The following TUSC3 variants were observed in gnomAD, a reference collection of about 807,000 sequenced individuals.
The protein encoded by TUSC3 is tumor suppressor candidate 3, also known as dolichyl-diphosphooligosaccharide--protein glycosyltransferase subunit TUSC3.
Under a neutral mutation model 44.8 loss-of-function variants are expected in TUSC3, and 45 were observed. That is an observed-to-expected ratio of 1.00 (90% CI 0.79 to 1.29). The LOEUF is 1.29. Ranked by LOEUF, TUSC3 falls within the 50% of genes most tolerant of loss-of-function variation. TUSC3 has a pLI of 0.00. For missense variants in TUSC3, 519 were observed against 437.9 expected, an observed-to-expected ratio of 1.19 and a Z score of -1.65; for synonymous variants, 212 against 152.9, an observed-to-expected ratio of 1.39 and a Z score of -2.85.
chr8:15,743,766 G>T (rs1010947668), intron 8 of TUSC3, among the ~76,000 whole-genome samples, 154 bp downstream of exon 8: 56 of 152,148 alleles, frequency 3.7e-4, no homozygotes, highest in African/African-American at 1.3e-3. Context: ...GCTGGGATGT[G>T]TTCATATACT....
At chr8:15,806,495 T>G in the TUSC3 span, 2 of 1,048,602 alleles carry the variant, frequency 1.9e-6, no homozygotes, top group African/African-American at 3.1e-5. Context: ...TATTTCATTG[T>G]AAACTTTCTC....
the TUSC3 span, among the ~76,000 whole-genome samples, chr8:15,778,263 T>C: frequency 2.4e-4 from 37 of 152,286 alleles, no homozygotes; most frequent in African/African-American, 8.7e-4. Flanking sequence ...CAATTCATAC[T>C]AACGTAATCT....
chr8:15,489,035 C>G lies in TUSC3; in HGVS notation n.189+5552C>G, dbSNP rs565317845. The stretch of plus-strand genomic sequence containing the variant: ...AGAAACTGTAAAATATTTATAGAGA[C>G]TTACTCTGAGTCAAATATGAGTGAC... On this transcript the variant is annotated intron_variant and non_coding_transcript_variant, in intron 2 of 5. Coordinates refer to the TUSC3 transcript ENST00000503191. 2.7e-3 allele frequency among the ~76,000 whole-genome samples: 408 copies of G among 152,244 alleles called. 3 individuals are homozygous for G. The highest frequency in any genetic ancestry group is 0.011 in the South Asian group (55 of 4,822).
the TUSC3 span, among the ~76,000 whole-genome samples, chr8:15,794,003 G>C: frequency 6.7e-6 from 1 of 149,926 alleles, no homozygotes; most frequent in African/African-American, 2.5e-5. Flanking sequence ...AAAGAAGAAA[G>C]AGTCAGATGA....
chr8:15,642,044 C>T (rs1438584608), intron 2 of TUSC3, among the ~76,000 whole-genome samples: 3 of 152,140 alleles, frequency 2.0e-5, no homozygotes, highest in African/African-American at 4.8e-5. Flanking sequence ...AGTTATACCT[C>T]ATTGAAGCTG....
intron 2 of TUSC3, among the ~76,000 whole-genome samples, chr8:15,524,855 C>A (rs991836762): frequency 1.3e-5 from 2 of 152,084 alleles, no homozygotes; most frequent in Admixed American, 1.3e-4. Flanking sequence ...TTTTATTAAG[C>A]CAGACATTGG....
At chr8:15,526,215 A>C (rs1379595743) in intron 2 of TUSC3, among the ~76,000 whole-genome samples, 1 of 152,084 alleles carries the variant, frequency 6.6e-6, no homozygotes, top group South Asian at 2.1e-4. Context: ...TGTATTTTTT[A>C]GTAGAGACGG....
chr8:15,521,346 G>A (rs1801294667), intron 2 of TUSC3, among the ~76,000 whole-genome samples: 1 of 152,052 alleles, frequency 6.6e-6, no homozygotes, highest in African/African-American at 2.4e-5. Flanking sequence ...CCTGGTGGGG[G>A]ACCTGTCACA....
chr8:15,576,379 A>G (rs1335638132), intron 1 of TUSC3, among the ~76,000 whole-genome samples: 1 of 147,112 alleles, frequency 6.8e-6, no homozygotes, highest in African/African-American at 2.5e-5. Flanking sequence ...TTACATATGT[A>G]TACATGTGCC....
chr8:15,463,985 CT>C (rs1247579467), intron 1 of TUSC3, among the ~76,000 whole-genome samples: 41 of 152,208 alleles, frequency 2.7e-4, no homozygotes, highest in African/African-American at 9.9e-4. Flanking sequence ...GATGAAGAAA[CT>C]TTTGGACTTA....
At chr8:15,683,341 A>C (rs1808499503) in intron 6 of TUSC3, among the ~76,000 whole-genome samples, 1 of 152,148 alleles carries the variant, frequency 6.6e-6, no homozygotes, top group Non-Finnish European at 1.5e-5. Flanking sequence ...TTCATTTCTT[A>C]AAATTATTTT....
intron 4 of TUSC3, among the ~76,000 whole-genome samples, chr8:15,660,201 A>G (rs1272154998): frequency 2.0e-5 from 3 of 152,064 alleles, no homozygotes; most frequent in African/African-American, 7.2e-5. Flanking sequence ...TGAAAATAAT[A>G]TTCATTTTAT....
At chr8:15,628,483 A>G (rs544447399) in intron 2 of TUSC3, among the ~76,000 whole-genome samples, 1 of 152,282 alleles carries the variant, frequency 6.6e-6, no homozygotes, top group East Asian at 1.9e-4. Context: ...AGCATTTTAA[A>G]AGAGTTTTGG....
At chr8:15,429,562 G>C (rs971076004) in intron 1 of TUSC3, among the ~76,000 whole-genome samples, 3 of 123,626 alleles carry the variant, frequency 2.4e-5, no homozygotes, top group Non-Finnish European at 4.7e-5. Flanking sequence ...ACCTTGTGCA[G>C]TATGGCCATT....
intron 1 of TUSC3, among the ~76,000 whole-genome samples, chr8:15,618,311 CT>C (rs1805085751): frequency 1.3e-5 from 2 of 152,056 alleles, no homozygotes; most frequent in Non-Finnish European, 2.9e-5. Context: ...TTTTTTTTAA[CT>C]TTTTGACTCT....
At chr8:15,497,105 T>C (rs1800891625) in intron 2 of TUSC3, among the ~76,000 whole-genome samples, 1 of 151,842 alleles carries the variant, frequency 6.6e-6, no homozygotes, top group South Asian at 2.1e-4. Context: ...TCAGGAAAAA[T>C]GGAGCAAAGT....
In TUSC3 at chr8:15,626,107, C is replaced by T. The variant is rs942315404; in HGVS notation, c.308+2858C>T. Among the ~76,000 whole-genome samples the T allele has an allele frequency of 2.0e-5, 3 of 152,258 alleles. No individual in the cohort carries two copies. In the South Asian group the frequency reaches 6.2e-4, roughly 32 times the overall value. ...AGTGGGGAGACCCGTGTGCACCGTG[C>T]CCCCTGTGCCCTGTGTCCCCAAGGT... On this transcript the variant is annotated intron_variant, in intron 2 of 10. Coordinates refer to ENST00000503731, the MANE Select transcript of TUSC3 (RefSeq NM_006765.4).
At chr8:15,489,712 T>C (rs568940664) in intron 2 of TUSC3, among the ~76,000 whole-genome samples, 39 of 152,180 alleles carry the variant, frequency 2.6e-4, no homozygotes, top group Non-Finnish European at 4.8e-4. Context: ...TTAATGTGAA[T>C]GTTGGCCAGT....
chr8:15,690,622 T>C (rs1312640646), intron 6 of TUSC3, among the ~76,000 whole-genome samples: 2 of 152,170 alleles, frequency 1.3e-5, no homozygotes, highest in Non-Finnish European at 2.9e-5. Context: ...TCTAGGAGTT[T>C]TATCGTTTTG....
Sources: allele counts gnomAD v4.1 joint callset (sites outside exome capture counted in the v4.1 genomes callset), GRCh38; gene constraint gnomAD v4.1.1; transcripts MANE v1.5; gene names NCBI Gene and HGNC (gene_info 2026-07-23, HGNC 2026-07-21).